SLC16A7: variants seen among roughly 807,000 people sequenced by gnomAD.
SLC16A7 encodes the protein solute carrier family 16 member 7.
A neutral mutation model predicts 34.9 loss-of-function variants in SLC16A7; 33 were observed. The ratio of observed to expected loss-of-function variants is 0.94; its 90% CI spans 0.72 to 1.26. SLC16A7 has a LOEUF of 1.26. Among genes scored for constraint, SLC16A7 ranks in the 50% most tolerant of loss-of-function variants. SLC16A7 has a pLI of 0.00. For synonymous variants in SLC16A7, 201 were observed against 206.6 expected (o/e 0.97, Z 0.23); for missense variants, 573 against 578.1 (o/e 0.99, Z 0.09).
At chr12:59,727,762 G>A (rs2137230266) in intron 3 of SLC16A7, among the ~76,000 whole-genome samples, 1 of 152,190 alleles carries the variant, frequency 6.6e-6, no homozygotes, top group Middle Eastern at 3.4e-3. Context: ...TGAACTGACA[G>A]TAGTTTAAGT....
rs1872400304 is a variant in SLC16A7 at position 59,697,206 on chromosome 12, G to C, written c.-30-7566G>C. On this transcript the variant is annotated intron_variant, in intron 2 of 5. Coordinates refer to ENST00000547379, the MANE Select transcript of SLC16A7 (RefSeq NM_001270623.2). ...GGAATATAAATCAGAATTCCTAGGT[G>C]ATATTCCTTCAGGCCAGAATGTAGA... 2.0e-5 allele frequency among the ~76,000 whole-genome samples: 3 copies of C among 151,988 alleles called. 1 individual carries two copies. The South Asian group carries it at 6.2e-4, about 31-fold the overall frequency.
chr12:59,668,367 G>A (rs1434543389), intron 2 of SLC16A7, among the ~76,000 whole-genome samples: 8 of 152,288 alleles, frequency 5.3e-5, no homozygotes, highest in Middle Eastern at 3.4e-3. Context: ...CCAAGGCCAC[G>A]GGAACCCCCC....
In SLC16A7 at chr12:59,787,457, C is replaced by T. The variant is rs1024068239; in HGVS notation, c.*7778C>T. 6.6e-6 allele frequency: 1 copy of T among 152,098 alleles called. No individual in the cohort carries two copies. The highest frequency in any genetic ancestry group is 1.9e-4 in the East Asian group (1 of 5,194). The allele number at this position is 152,098 out of a possible 1,614,324, so 9.4% of individuals were successfully genotyped here. A position where few individuals can be genotyped will look rare whatever the true frequency, so the allele number is the denominator to read the frequency against. ...AGAGCTTCTTTTATGTTAGAGATTC[C>T]ATCTACCTCTGCATCTTATCTAGCT... is the stretch of plus-strand genomic sequence containing the variant. On this transcript the variant is annotated 3_prime_UTR_variant, in exon 6 of 6. Transcript: ENST00000547379.
At chr12:59,672,520 C>A (rs1009600990) in intron 2 of SLC16A7, among the ~76,000 whole-genome samples, 1 of 151,918 alleles carries the variant, frequency 6.6e-6, no homozygotes, top group Non-Finnish European at 1.5e-5. Context: ...CACATTCCAG[C>A]AGGCTCATTG....
intron 3 of SLC16A7, among the ~76,000 whole-genome samples, chr12:59,749,856 A>T (rs1879310126): frequency 2.0e-5 from 3 of 152,218 alleles, no homozygotes; most frequent in Non-Finnish European, 2.9e-5. Context: ...AAGAGATAAT[A>T]AAAATCACAC....
chr12:59,658,924 T>C (rs934464469), intron 2 of SLC16A7, among the ~76,000 whole-genome samples: 3 of 152,084 alleles, frequency 2.0e-5, no homozygotes. Flanking sequence ...CTAATGTGTC[T>C]ATAAAAATAT....
At chr12:59,674,354 C>T (rs1157574423) in intron 2 of SLC16A7, among the ~76,000 whole-genome samples, 1 of 152,092 alleles carries the variant, frequency 6.6e-6, no homozygotes, top group East Asian at 1.9e-4. Flanking sequence ...GGACTTCTGC[C>T]ACATAGGAGC....
intron 2 of SLC16A7, chr12:59,696,620 A>G (rs1872326217): frequency 6.6e-6 from 1 of 152,006 alleles, no homozygotes; most frequent in Non-Finnish European, 1.5e-5. Context: ...TTGTATGAAA[A>G]TGTTACAGAA....
intron 3 of SLC16A7, among the ~76,000 whole-genome samples, chr12:59,760,740 T>C (rs1012978175): frequency 6.6e-6 from 1 of 152,012 alleles, no homozygotes; most frequent in African/African-American, 2.4e-5. Flanking sequence ...CCCAAGCAGG[T>C]TGAAGCAGGA....
chr12:59,708,606 G>C (rs1047301250), intron 3 of SLC16A7, among the ~76,000 whole-genome samples: 1 of 152,110 alleles, frequency 6.6e-6, no homozygotes, highest in Non-Finnish European at 1.5e-5. Flanking sequence ...AATGCTAATT[G>C]CATTAGCCTA....
intron 3 of SLC16A7, among the ~76,000 whole-genome samples, chr12:59,709,126 A>C (rs1330925842): frequency 1.3e-5 from 2 of 151,690 alleles, no homozygotes; most frequent in African/African-American, 4.9e-5. Flanking sequence ...TATTCTATTG[A>C]ATGATAATCT....
chr12:59,611,989 G>A (rs997172961), intron 1 of SLC16A7, among the ~76,000 whole-genome samples: 5 of 152,206 alleles, frequency 3.3e-5, no homozygotes, highest in Non-Finnish European at 7.3e-5. Flanking sequence ...GCTTTTCCAG[G>A]CACATGGTGC....
intron 3 of SLC16A7, among the ~76,000 whole-genome samples, chr12:59,739,158 G>T (rs1357554811): frequency 2.0e-5 from 3 of 149,690 alleles, no homozygotes; most frequent in African/African-American, 7.4e-5. Flanking sequence ...TCGTCATTTA[G>T]CATTAGGTAT....
chr12:59,721,833 C>A (rs1412871306), intron 3 of SLC16A7, among the ~76,000 whole-genome samples: 2 of 151,952 alleles, frequency 1.3e-5, no homozygotes, highest in African/African-American at 4.8e-5. Context: ...ACAACACATT[C>A]TTGATTTTAC....
rs1278061547 is a variant in SLC16A7 at position 59,782,706 on chromosome 12, T to G, written c.*3027T>G. ...CCTTAAATATGCCATCACTAATTTA[T>G]GAATAGAACATTGTGTTTGCACTTT... On this transcript the variant is annotated 3_prime_UTR_variant, in exon 6 of 6. Coordinates refer to ENST00000547379, the MANE Select transcript of SLC16A7 (RefSeq NM_001270623.2). The G allele has an allele frequency of 6.6e-6, 1 of 152,196 alleles. No individual in the cohort carries two copies. The highest frequency in any genetic ancestry group is 1.5e-5 in the Non-Finnish European group (1 of 68,036). 9.4% of individuals were successfully genotyped at this position (152,196 alleles called of 1,614,324 possible). A position where few individuals can be genotyped will look rare whatever the true frequency, so the allele number is the denominator to read the frequency against.
intron 1 of SLC16A7, among the ~76,000 whole-genome samples, chr12:59,638,646 AG>A (rs1390649828): frequency 1.3e-5 from 2 of 152,192 alleles, no homozygotes; most frequent in African/African-American, 4.8e-5. Flanking sequence ...TTCTAGGAAA[AG>A]GTTTGTGTAA....
chr12:59,676,556 T>C (rs1183146979), intron 2 of SLC16A7, among the ~76,000 whole-genome samples: 1 of 152,070 alleles, frequency 6.6e-6, no homozygotes, highest in Non-Finnish European at 1.5e-5. Context: ...TTATAAACAA[T>C]TAGGTACAGC....
chr12:59,617,592 T>C (rs193098334), intron 1 of SLC16A7, among the ~76,000 whole-genome samples: 1 of 152,146 alleles, frequency 6.6e-6, no homozygotes, highest in East Asian at 1.9e-4. Flanking sequence ...TCAGGTGATT[T>C]ACAATGCATG....
chr12:59,784,499 CCATACAGTTA>C lies in SLC16A7; in HGVS notation c.*4825_*4834del, dbSNP rs1284446211. ...ATAAGATACAAATGATTTGGTTTACCCATACAGTTACATATTAATTTTCATCATTTAATAC... is the reference window on the plus strand; with the variant it reads ...ATAAGATACAAATGATTTGGTTTACCCATATTAATTTTCATCATTTAATAC... On this transcript the variant is annotated 3_prime_UTR_variant, in exon 6 of 6. Transcript: ENST00000547379. 1 of 152,026 alleles carries C rather than the reference CCATACAGTTA, an allele frequency of 6.6e-6. No homozygotes were observed. The highest frequency in any genetic ancestry group is 1.5e-5 in the Non-Finnish European group (1 of 68,002). The allele number at this position is 152,026 out of a possible 1,614,324, so 9.4% of individuals were successfully genotyped here.
Sources: gnomAD v4.1 joint callset for allele counts (sites outside exome capture counted in the v4.1 genomes callset) on GRCh38, gnomAD v4.1.1 for gene constraint, MANE v1.5 for transcripts, NCBI Gene and HGNC (gene_info 2026-07-23, HGNC 2026-07-21) for gene names.